The following ECRG4 variants were observed in gnomAD, a reference collection of about 807,000 sequenced individuals.
The protein encoded by ECRG4 is augurin.
A neutral mutation model predicts 15.8 loss-of-function variants in ECRG4; 18 were observed. That is an observed-to-expected ratio of 1.14 (90% CI 0.79 to 1.69). The LOEUF is 1.69. ECRG4 is among the 40% of genes most tolerant of loss of function. The probability of loss-of-function intolerance (pLI) is 0.00; values close to 1 mark genes in which losing one functional copy is unlikely to be tolerated. For synonymous variants in ECRG4, 82 were observed against 73.9 expected (o/e 1.11, Z -0.56); for missense variants, 200 against 190.9 (o/e 1.05, Z -0.28).
chr2:106,076,323 AAAAT>A (rs935395434), intron 3 of ECRG4, among the ~76,000 whole-genome samples: 13 of 152,322 alleles, frequency 8.5e-5, no homozygotes, highest in Admixed American at 2.6e-4. Flanking sequence ...TCCCTCTTAA[AAAAT>A]AAATAAATGA....
chr2:106,073,980 C>G lies in ECRG4; in HGVS notation c.222C>G (p.Asp74Glu), dbSNP rs1409374569. ...SLKRQKRQLW[D>E]RTRPEVQQWY... ...AGCGCCAGAAGCGGCAGCTGTGGGA[C>G]CGGACTCGGCCCGAGGTGCAGCAGT... The change falls in exon 3 of 4, where the codon GAC (aspartate) becomes GAG (glutamate). Residue 74 changes from aspartate (D) to glutamate (E), a missense_variant. By Grantham distance (45) the Asp-to-Glu change is conservative. Transcript: ENST00000238044. 2 of 1,613,992 alleles carry G rather than the reference C, an allele frequency of 1.2e-6. No individual in the cohort carries two copies. The highest frequency in any genetic ancestry group is 2.7e-5 in the African/African-American group (2 of 74,928).
chr2:106,067,555 C>T (rs369552709), intron 1 of ECRG4, among the ~76,000 whole-genome samples: 4 of 151,888 alleles, frequency 2.6e-5, no homozygotes, highest in Non-Finnish European at 5.9e-5. Context: ...CTGCAACCTC[C>T]GCCTCCCAGG....
upstream of ECRG4, among the ~76,000 whole-genome samples, chr2:106,064,725 A>T (rs960819559): frequency 2.6e-5 from 4 of 152,218 alleles, no homozygotes; most frequent in African/African-American, 4.8e-5. Context: ...AGAGGTAATC[A>T]GCTCAGTTCA....
At chr2:106,064,534 G>A (rs1676161714), upstream of ECRG4, among the ~76,000 whole-genome samples, 3 of 152,154 alleles carry the variant, frequency 2.0e-5, no homozygotes, top group South Asian at 6.2e-4. Context: ...AAAATTAGCT[G>A]GGCCTCGTGG....
At chr2:106,075,230 T>C (rs1213635474) in intron 3 of ECRG4, among the ~76,000 whole-genome samples, 2 of 152,248 alleles carry the variant, frequency 1.3e-5, no homozygotes, top group Non-Finnish European at 1.5e-5. Flanking sequence ...CACATTTAAG[T>C]ATCTCTGAGT....
At chr2:106,073,199 G>A (rs533931243) in intron 2 of ECRG4, among the ~76,000 whole-genome samples, 117 of 152,272 alleles carry the variant, frequency 7.7e-4, no homozygotes, top group African/African-American at 2.7e-3. Flanking sequence ...TGGCTTCCTC[G>A]AGCACATCCT....
At chr2:106,068,755 C>T (rs1237145595) in intron 1 of ECRG4, among the ~76,000 whole-genome samples, 2 of 152,182 alleles carry the variant, frequency 1.3e-5, no homozygotes, top group Non-Finnish European at 2.9e-5. Context: ...TTAATGAATG[C>T]TATTATTAGT....
At chr2:106,077,059 TC>T (rs1676502748) in intron 3 of ECRG4, among the ~76,000 whole-genome samples, 2 of 152,204 alleles carry the variant, frequency 1.3e-5, no homozygotes, top group African/African-American at 4.8e-5. Context: ...AGCTTCTCTA[TC>T]CCTTTTATTA....
rs1183418611 is a variant in ECRG4 at position 106,076,439 on chromosome 2, G to T, written c.286-1326G>T. ...ACTAGAGATGGAGCCAAAGAAGTCG[G>T]TGTCCTCCTTCCCAAGGCAGAGGCT... On this transcript the variant is annotated intron_variant, in intron 3 of 3. Transcript: ENST00000238044. Among the ~76,000 whole-genome samples, 23 of 152,166 alleles carry T rather than the reference G, an allele frequency of 1.5e-4. 1 individual carries two copies.
intron 2 of ECRG4, among the ~76,000 whole-genome samples, chr2:106,073,081 C>T (rs1402548795): frequency 6.6e-6 from 1 of 152,240 alleles, no homozygotes; most frequent in Non-Finnish European, 1.5e-5. Context: ...TTCCATGATC[C>T]TGTGCATTTT....
At chr2:106,065,404 C>A (rs1175688228), upstream of ECRG4, among the ~76,000 whole-genome samples, 1 of 152,226 alleles carries the variant, frequency 6.6e-6, no homozygotes, top group Non-Finnish European at 1.5e-5. Context: ...TTCTGCCCTT[C>A]CTTGGGTCTC....
upstream of ECRG4, among the ~76,000 whole-genome samples, chr2:106,065,347 G>T (rs1676185708): frequency 6.6e-6 from 1 of 152,120 alleles, no homozygotes; most frequent in East Asian, 1.9e-4. Context: ...GATCCGGCAA[G>T]TCCTCCCTCT....
intron 1 of ECRG4, among the ~76,000 whole-genome samples, chr2:106,066,392 G>A (rs977909155): frequency 1.3e-5 from 2 of 152,168 alleles, no homozygotes; most frequent in African/African-American, 4.8e-5. Context: ...CCAGCGAATC[G>A]GTTGAAAACT....
chr2:106,075,550 C>T (rs1485452154), intron 3 of ECRG4, among the ~76,000 whole-genome samples: 3 of 151,810 alleles, frequency 2.0e-5, no homozygotes, highest in Admixed American at 1.3e-4. Context: ...GGCAAAACCC[C>T]GTCTCTACTA....
chr2:106,074,397 A>G (rs1558658068), intron 3 of ECRG4, among the ~76,000 whole-genome samples: 1 of 152,166 alleles, frequency 6.6e-6, no homozygotes, highest in Non-Finnish European at 1.5e-5. Context: ...CCCAAAACCT[A>G]TTAACTTTTA....
rs772018594 is a variant in ECRG4, at chr2:106,077,955, G to A, written c.*29G>A. 6 of 1,604,996 alleles carry A rather than the reference G, an allele frequency of 3.7e-6. No homozygotes were observed. The highest frequency in any genetic ancestry group is 3.3e-4 in the Middle Eastern group (2 of 6,038). ...TGACTTGCCACACGCTGTACAAGAA[G>A]CAAATAGCGATTCTCTTCATGTATC... On this transcript the variant is annotated 3_prime_UTR_variant, in exon 4 of 4. Transcript: ENST00000238044.
chr2:106,064,581 G>A (rs1008648806), upstream of ECRG4, among the ~76,000 whole-genome samples: 1 of 152,216 alleles, frequency 6.6e-6, no homozygotes, highest in African/African-American at 2.4e-5. Context: ...AGGAGGCTGA[G>A]GCAGGAGAAT....
At chr2:106,068,535 C>G (rs756892342) in intron 1 of ECRG4, among the ~76,000 whole-genome samples, 1 of 152,196 alleles carries the variant, frequency 6.6e-6, no homozygotes, top group Non-Finnish European at 1.5e-5. Context: ...TGGCGAGGCT[C>G]TCATTTCTGG....
At chr2:106,065,949 A>G in intron 1 of ECRG4, 106 bp downstream of exon 1, 1 of 1,040,164 alleles carries the variant, frequency 9.6e-7, no homozygotes, top group South Asian at 1.8e-5. Flanking sequence ...GTGGCGGCGT[A>G]GGGACCCATC....
Sources: gnomAD v4.1 joint callset for allele counts (sites outside exome capture counted in the v4.1 genomes callset) on GRCh38, gnomAD v4.1.1 for gene constraint, MANE v1.5 for transcripts, NCBI Gene and HGNC (gene_info 2026-07-23, HGNC 2026-07-21) for gene names.